The following WWOX variants were observed in gnomAD, a reference collection of about 807,000 sequenced individuals.
WWOX encodes the protein WW domain containing oxidoreductase.
A neutral mutation model predicts 46.2 loss-of-function variants in WWOX; 69 were observed. That is an observed-to-expected ratio of 1.49 (90% confidence interval 1.23 to 1.82). The LOEUF (loss-of-function observed/expected upper bound fraction) is 1.82, where lower values mean the gene tolerates loss of function less well. Ranked by LOEUF, WWOX falls within the 40% of genes most tolerant of loss-of-function variation. WWOX has a pLI of 0.00. For missense variants in WWOX, 919 were observed against 542.6 expected, an observed-to-expected ratio of 1.69 and a Z score of -6.89; for synonymous variants, 359 against 202.6, an observed-to-expected ratio of 1.77 and a Z score of -6.56.
rs529747087 is a variant in WWOX at position 78,260,294 on chromosome 16, C to T, written c.516+96005C>T. 2.6e-5 allele frequency among the ~76,000 whole-genome samples: 4 copies of T among 151,670 alleles called. No homozygotes were observed. In the South Asian group the frequency reaches 8.3e-4, roughly 31 times the overall value. On this transcript the variant is annotated intron_variant, in intron 5 of 8. Coordinates refer to ENST00000566780, the MANE Select transcript of WWOX (RefSeq NM_016373.4). ...AGAAACAAACAGAAAACAACAACAT[C>T]ACTAACAAACAAGTTCCCACAAAGA...
intron 8 of WWOX, among the ~76,000 whole-genome samples, chr16:78,998,857 C>G (rs1438902545): frequency 6.6e-6 from 1 of 152,230 alleles, no homozygotes; most frequent in Non-Finnish European, 1.5e-5. Context: ...CTGAACACAT[C>G]TCAAAGTTCC....
chr16:78,476,542 A>C (rs1429764598), intron 8 of WWOX, among the ~76,000 whole-genome samples: 1 of 152,106 alleles, frequency 6.6e-6, no homozygotes, highest in East Asian at 1.9e-4. Flanking sequence ...CCAACACAGC[A>C]CATGTCTACA....
chr16:78,239,262 G>A (rs2037545820), intron 5 of WWOX, among the ~76,000 whole-genome samples: 2 of 152,162 alleles, frequency 1.3e-5, no homozygotes, highest in South Asian at 4.1e-4. Context: ...CTGTTGACCA[G>A]CTCTTGATGG....
chr16:79,078,100 T>G (rs191054066), intron 8 of WWOX: 3 of 152,276 alleles, frequency 2.0e-5, no homozygotes, highest in South Asian at 4.1e-4. Flanking sequence ...ACTGGAAGTT[T>G]CCATTTCCTG....
rs2034062927 is a variant in WWOX at position 78,143,592 on chromosome 16, C to T, written c.410-20591C>T. On this transcript the variant is annotated intron_variant, in intron 4 of 8. Transcript: ENST00000566780. ...CCAGCAAAGCCCAAGATATTTACTG[C>T]ATTTATTTACTGTATTTATGTTTAT... Among the ~76,000 whole-genome samples the T allele has an allele frequency of 2.0e-5, 3 of 152,106 alleles. No individual in the cohort carries two copies. The South Asian group carries it at 6.2e-4, about 31-fold the overall frequency.
Position 79,211,920 on chromosome 16 carries a change from G to C in WWOX, c.*124G>C, listed in dbSNP as rs200371035. 315 of 1,543,480 alleles carry C rather than the reference G, an allele frequency of 2.0e-4. 1 individual carries two copies. The highest frequency in any genetic ancestry group is 9.2e-4 in the Admixed American group (47 of 51,158). On this transcript the variant is annotated 3_prime_UTR_variant, in exon 9 of 9. Coordinates refer to ENST00000566780, the MANE Select transcript of WWOX (RefSeq NM_016373.4). ...ATCCGCAAGAGTAAAGGAAATAAGAGCAGTCACAACAGAGTGAAAAATCTT... is the reference window on the plus strand; with the variant it reads ...ATCCGCAAGAGTAAAGGAAATAAGACCAGTCACAACAGAGTGAAAAATCTT...
At chr16:78,568,478 T>C (rs1473990469) in intron 8 of WWOX, among the ~76,000 whole-genome samples, 2 of 149,674 alleles carry the variant, frequency 1.3e-5, no homozygotes, top group African/African-American at 4.9e-5. Flanking sequence ...TTCCAACTTT[T>C]TTTTTTTTTT....
chr16:78,791,171 C>G (rs2050588017), intron 8 of WWOX, among the ~76,000 whole-genome samples: 1 of 152,140 alleles, frequency 6.6e-6, no homozygotes, highest in Non-Finnish European at 1.5e-5. Context: ...GCTTTCCTGA[C>G]TACCATCTGG....
chr16:79,200,996 CTTG>C (rs1393219495), intron 8 of WWOX, among the ~76,000 whole-genome samples: 2 of 152,128 alleles, frequency 1.3e-5, no homozygotes, highest in African/African-American at 2.4e-5. Context: ...TGAACTAGTA[CTTG>C]TTGTGTGCCC....
chr16:78,727,880 G>C (rs2048873279), intron 8 of WWOX, among the ~76,000 whole-genome samples: 1 of 151,912 alleles, frequency 6.6e-6, no homozygotes, highest in Non-Finnish European at 1.5e-5. Flanking sequence ...TAAACTCTTA[G>C]TAGTTATCCA....
At chr16:78,103,580 G>C (rs2031943163) in intron 1 of WWOX, among the ~76,000 whole-genome samples, 1 of 152,026 alleles carries the variant, frequency 6.6e-6, no homozygotes, top group Non-Finnish European at 1.5e-5. Context: ...ACATTCCCTT[G>C]ATCTCTCCTG....
intron 8 of WWOX, among the ~76,000 whole-genome samples, chr16:78,833,469 C>G (rs1330068490): frequency 1.3e-5 from 2 of 152,158 alleles, no homozygotes; most frequent in South Asian, 2.1e-4. Context: ...ATTCTCCTTC[C>G]TCATCATTGT....
intron 8 of WWOX, among the ~76,000 whole-genome samples, chr16:78,621,826 C>T (rs541265438): frequency 1.2e-3 from 189 of 151,954 alleles, no homozygotes; most frequent in African/African-American, 4.4e-3. Flanking sequence ...AGGATGGTCT[C>T]GATCTCCTGA....
At chr16:78,225,636 A>G (rs1191000183) in intron 5 of WWOX, among the ~76,000 whole-genome samples, 2 of 152,186 alleles carry the variant, frequency 1.3e-5, no homozygotes, top group Admixed American at 6.5e-5. Context: ...GGAATTGGGT[A>G]AGGATCCAGC....
chr16:78,904,464 C>G (rs1390881085), intron 8 of WWOX, among the ~76,000 whole-genome samples: 3 of 152,006 alleles, frequency 2.0e-5, no homozygotes. Context: ...GTCTTCTTCT[C>G]TTGACCTTGT....
chr16:78,714,578 C>G (rs977097308), intron 8 of WWOX, among the ~76,000 whole-genome samples: 21 of 152,012 alleles, frequency 1.4e-4, no homozygotes, highest in African/African-American at 4.6e-4. Flanking sequence ...AGACACTATT[C>G]TAGGTATGAC....
rs1380509624 is a variant in WWOX, at chr16:78,891,292, C to G, written c.1057-320316C>G. 3 of 152,270 alleles carry G rather than the reference C, an allele frequency of 2.0e-5. No homozygotes were observed. In the East Asian group the frequency reaches 5.8e-4, roughly 29 times the overall value. The allele number at this position is 152,270 out of a possible 1,614,324, so 9.4% of individuals were successfully genotyped here. A position where few individuals can be genotyped will look rare whatever the true frequency, so the allele number is the denominator to read the frequency against. On this transcript the variant is annotated intron_variant, in intron 8 of 8. Coordinates refer to ENST00000566780, the MANE Select transcript of WWOX (RefSeq NM_016373.4). ...AAATCTCAGCCTAGTGCTTTCAACT[C>G]CTGGCTTTCTCCTAAGTTCACCCTC...
intron 8 of WWOX, among the ~76,000 whole-genome samples, chr16:78,806,866 A>G (rs528097462): frequency 3.9e-5 from 6 of 152,198 alleles, no homozygotes; most frequent in Non-Finnish European, 8.8e-5. Context: ...CCACATAAGC[A>G]AACAGTTCGT....
chr16:78,873,932 A>T (rs765867677), intron 8 of WWOX, among the ~76,000 whole-genome samples: 1 of 152,062 alleles, frequency 6.6e-6, no homozygotes, highest in Non-Finnish European at 1.5e-5. Flanking sequence ...TCTAGTGGCC[A>T]TTGAAAATGT....
Sources: gnomAD v4.1 joint callset for allele counts (sites outside exome capture counted in the v4.1 genomes callset) on GRCh38, gnomAD v4.1.1 for gene constraint, MANE v1.5 for transcripts, NCBI Gene and HGNC (gene_info 2026-07-23, HGNC 2026-07-21) for gene names.